Variants in WNT8A observed in about 807,000 individuals in gnomAD.
WNT8A encodes the protein protein Wnt-8a.
Under a neutral mutation model 20.5 loss-of-function variants are expected in WNT8A, and 14 were observed. That is an observed-to-expected ratio of 0.68 (90% CI 0.45 to 1.07). The LOEUF is 1.07. Among genes scored for constraint, WNT8A ranks in the 50% least tolerant of loss-of-function variants. The pLI, the probability that WNT8A is intolerant of heterozygous loss-of-function variation, is 0.00. For synonymous variants in WNT8A, 167 were observed against 169.2 expected, an observed-to-expected ratio of 0.99 and a Z score of 0.10; for missense variants, 397 against 462.9, an observed-to-expected ratio of 0.86 and a Z score of 1.31.
chr5:138,091,171 C>T lies in WNT8A; in HGVS notation c.*98C>T. ...AGATTGGAAAGCAATCGGAAAATTG[C>T]AGTTTTGGTCTGTAGTCCTCATGAT... On this transcript the variant is annotated 3_prime_UTR_variant, in exon 5 of 5. Transcript: ENST00000506684. The T allele has an allele frequency of 1.3e-6, 2 of 1,537,668 alleles. No homozygotes were observed. The highest frequency in any genetic ancestry group is 8.7e-7 in the Non-Finnish European group (1 of 1,151,620).
At chr5:138,083,345 G>A (rs1209096033), upstream of WNT8A, among the ~76,000 whole-genome samples, 1 of 151,712 alleles carries the variant, frequency 6.6e-6, no homozygotes, top group Non-Finnish European at 1.5e-5. Flanking sequence ...TGGCCCTAAG[G>A]TTGGTTCTCA....
In WNT8A at chr5:138,091,218, T is replaced by G; in HGVS notation, c.*145T>G. The G allele has an allele frequency of 6.5e-7, 1 of 1,544,670 alleles. No homozygotes were observed. The highest frequency in any genetic ancestry group is 1.2e-5 in the South Asian group (1 of 81,348). ...TGATATCTGCTATCAGTGGGGAAAA[T>G]GGAGGCCCAAGATTCTACAGCATAT... On this transcript the variant is annotated 3_prime_UTR_variant, in exon 5 of 5. Coordinates refer to ENST00000506684, the MANE Select transcript of WNT8A (RefSeq NM_001300939.2).
intron 2 of WNT8A, among the ~76,000 whole-genome samples, chr5:138,086,242 G>C (rs1267749273): frequency 6.6e-6 from 1 of 152,056 alleles, no homozygotes; most frequent in Non-Finnish European, 1.5e-5. Flanking sequence ...TTTTGAGACA[G>C]GGTTTCACTT....
At position 138,088,778 on chromosome 5, in the gene WNT8A, A is replaced by G. The variant is rs1277857516; in HGVS notation, c.422-149A>G. 3 of 1,040,726 alleles carry G rather than the reference A, an allele frequency of 2.9e-6. No individual in the cohort carries two copies. The Admixed American group carries it at 8.5e-5, about 30-fold the overall frequency. The allele number at this position is 1,040,726 out of a possible 1,614,324, so 64.5% of individuals were successfully genotyped here. A position where few individuals can be genotyped will look rare whatever the true frequency, so the allele number is the denominator to read the frequency against. On this transcript the variant is annotated intron_variant, in intron 3 of 4. Coordinates refer to ENST00000506684, the MANE Select transcript of WNT8A (RefSeq NM_001300939.2). Reference sequence around the variant, plus strand: ...GAAGGGTGGGCAGTTGGCTTTGGCAACAGGACTCCCACCCACCCCAAGCAC... The same window carrying G: ...GAAGGGTGGGCAGTTGGCTTTGGCAGCAGGACTCCCACCCACCCCAAGCAC...
At chr5:138,079,653 A>G (rs1156586840), upstream of WNT8A, among the ~76,000 whole-genome samples, 3 of 152,158 alleles carry the variant, frequency 2.0e-5, no homozygotes, top group Non-Finnish European at 4.4e-5. Context: ...CTTTAGAGAT[A>G]CTACTATTCA....
intron 3 of WNT8A, among the ~76,000 whole-genome samples, chr5:138,088,179 A>G (rs972004799): frequency 6.6e-6 from 1 of 152,198 alleles, no homozygotes; most frequent in Non-Finnish European, 1.5e-5. Flanking sequence ...GAAGAGACTT[A>G]AAGCTAGCCC....
chr5:138,084,055 T>C lies in WNT8A; in HGVS notation c.-73T>C. The C allele has an allele frequency of 4.4e-6, 7 of 1,600,008 alleles. No individual in the cohort carries two copies. The highest frequency in any genetic ancestry group is 6.0e-6 in the Non-Finnish European group (7 of 1,170,442). ...CTCCTCACTTCTCTGGACTTGGCCC[T>C]GAGCTGGACCTGGTCCACTGGGGTA... On this transcript the variant is annotated 5_prime_UTR_variant, in exon 1 of 5. Coordinates refer to ENST00000506684, the MANE Select transcript of WNT8A (RefSeq NM_001300939.2).
intron 4 of WNT8A, among the ~76,000 whole-genome samples, chr5:138,090,255 G>C (rs1006958632): frequency 4.6e-5 from 7 of 152,166 alleles, no homozygotes; most frequent in Admixed American, 2.6e-4. Context: ...AGAGGTTTCT[G>C]GACTCTAGTA....
At chr5:138,084,452 A>G (rs1251983043) in intron 1 of WNT8A, 46 bp from the exon 2 acceptor site, 1 of 1,562,982 alleles carries the variant, frequency 6.4e-7, no homozygotes, top group Non-Finnish European at 8.7e-7. Flanking sequence ...CCAACCACAG[A>G]TGACCCATAC....
upstream of WNT8A, among the ~76,000 whole-genome samples, chr5:138,080,547 A>G (rs560839089): frequency 3.1e-4 from 45 of 143,292 alleles, no homozygotes; most frequent in South Asian, 9.8e-3. Flanking sequence ...AACTCAGGTG[A>G]TTTGCCTGCC....
chr5:138,081,113 C>T (rs1398303710), upstream of WNT8A, among the ~76,000 whole-genome samples: 1 of 151,606 alleles, frequency 6.6e-6, no homozygotes, highest in African/African-American at 2.4e-5. Context: ...GTAGTCCCAG[C>T]TACTCGGGAG....
chr5:138,085,742 G>T lies in WNT8A; in HGVS notation c.295+1106G>T, dbSNP rs115092153. ...GGTAGCATGTGCCTGTAGTCCCAGA[G>T]ACCTGGAAGGCTGAGTTGGGAGGAT... On this transcript the variant is annotated intron_variant, in intron 2 of 4. Coordinates refer to ENST00000506684, the MANE Select transcript of WNT8A (RefSeq NM_001300939.2). Among the ~76,000 whole-genome samples the T allele has an allele frequency of 9.8e-3, 1,471 of 150,744 alleles. 20 individuals carry two copies. The highest frequency in any genetic ancestry group is 0.034 in the African/African-American group (1,411 of 41,024).
At position 138,088,913 on chromosome 5, in the gene WNT8A, G is replaced by A. The variant is rs377516777; in HGVS notation, c.422-14G>A. The A allele has an allele frequency of 1.2e-6, 2 of 1,613,186 alleles. No individual in the cohort carries two copies. The highest frequency in any genetic ancestry group is 1.7e-6 in the Non-Finnish European group (2 of 1,179,642). On this transcript the variant is annotated splice_polypyrimidine_tract_variant and intron_variant, in intron 3 of 4. Transcript: ENST00000506684. ...TGGAGCTACACGGAGAACTTATTCT[G>A]TCCTTGTATATAGGAGGCCATGGCT...
upstream of WNT8A, among the ~76,000 whole-genome samples, chr5:138,081,845 TTTCTAAACAC>T (rs1200085918): frequency 6.6e-6 from 1 of 152,154 alleles, no homozygotes; most frequent in Non-Finnish European, 1.5e-5. Context: ...GCTATAAAAA[TTTCTAAACAC>T]TTCTATTTTT....
upstream of WNT8A, among the ~76,000 whole-genome samples, chr5:138,080,160 T>C (rs1750465413): frequency 6.6e-6 from 1 of 151,910 alleles, no homozygotes. Context: ...CAGTCTCTTC[T>C]AAAAATGCAA....
upstream of WNT8A, chr5:138,084,004 A>G: frequency 7.7e-7 from 1 of 1,304,748 alleles, no homozygotes; most frequent in Non-Finnish European, 1.1e-6. Context: ...ATTTTCTCAC[A>G]TAAATACTGA....
In WNT8A at chr5:138,084,055, T is replaced by A. The variant is rs1750577110; in HGVS notation, c.-73T>A. 6.9e-6 allele frequency: 11 copies of A among 1,599,890 alleles called. No individual in the cohort carries two copies. Among genetic ancestry groups the A allele is most frequent in the Non-Finnish European group, 9.4e-6 (11 of 1,170,450 alleles). On this transcript the variant is annotated 5_prime_UTR_variant, in exon 1 of 5. Coordinates refer to ENST00000506684, the MANE Select transcript of WNT8A (RefSeq NM_001300939.2). ...CTCCTCACTTCTCTGGACTTGGCCC[T>A]GAGCTGGACCTGGTCCACTGGGGTA... is the stretch of plus-strand genomic sequence containing the variant.
At chr5:138,089,895 C>G (rs1195742091) in intron 4 of WNT8A, among the ~76,000 whole-genome samples, 1 of 152,202 alleles carries the variant, frequency 6.6e-6, no homozygotes. Context: ...CTCCTGGGCT[C>G]AAGCGATCCT....
At position 138,087,848 on chromosome 5, in the gene WNT8A, G is replaced by C; in HGVS notation, c.338G>C (p.Gly113Ala). Reference sequence around the variant, plus strand: ...TTCATACATGCTATCAGCTCTGCTGGAGTCATGTACATCATCACCAAGAAC... The same window carrying C: ...TTCATACATGCTATCAGCTCTGCTGCAGTCATGTACATCATCACCAAGAAC... Reference protein sequence around the residue: ...TSFIHAISSAGVMYIITKNCS... With the variant: ...TSFIHAISSAAVMYIITKNCS... Residue 113 changes from glycine to alanine, a missense_variant, in exon 3 of 5, where the codon GGA becomes GCA. Gly to Ala is a moderately conservative substitution (Grantham distance 60). Transcript: ENST00000506684. 1 of 1,613,988 alleles carries C rather than the reference G, an allele frequency of 6.2e-7. No individual in the cohort carries two copies. The highest frequency in any genetic ancestry group is 2.2e-5 in the East Asian group (1 of 44,880).
Sources: gnomAD v4.1 joint callset for allele counts (sites outside exome capture counted in the v4.1 genomes callset) on GRCh38, gnomAD v4.1.1 for gene constraint, MANE v1.5 for transcripts, NCBI Gene and HGNC (gene_info 2026-07-23, HGNC 2026-07-21) for gene names.